The following ZNF560 variants were observed in gnomAD, a reference collection of about 807,000 sequenced individuals.
The protein encoded by ZNF560 is zinc finger protein 560.
ZNF560 carries 54 observed loss-of-function variants against 81.8 expected under a neutral mutation model. The ratio of observed to expected loss-of-function variants is 0.66; its 90% CI spans 0.53 to 0.83. The LOEUF (loss-of-function observed/expected upper bound fraction) is 0.83, where lower values mean the gene tolerates loss of function less well. ZNF560 is among the 40% of genes least tolerant of loss of function. The pLI, the probability that ZNF560 is intolerant of heterozygous loss-of-function variation, is 0.00. For missense variants in ZNF560, 940 were observed against 932.4 expected (o/e 1.01, Z -0.11); for synonymous variants, 321 against 317.9 (o/e 1.01, Z -0.10).
intron 2 of ZNF560, among the ~76,000 whole-genome samples, chr19:9,475,756 G>A (rs1424057237): frequency 1.3e-5 from 2 of 151,930 alleles, no homozygotes; most frequent in African/African-American, 4.8e-5. Flanking sequence ...ACAGGCACCT[G>A]CCACCACGCC....
chr19:9,456,239 T>C, the ZNF560 span, among the ~76,000 whole-genome samples: 1 of 152,140 alleles, frequency 6.6e-6, no homozygotes, highest in Non-Finnish European at 1.5e-5. Flanking sequence ...CTGCAGAAGG[T>C]ACCAACAGGA....
intron 6 of ZNF560, 116 bp from the exon 7 acceptor site, chr19:9,470,634 A>G: frequency 6.9e-7 from 1 of 1,441,750 alleles, no homozygotes; most frequent in Non-Finnish European, 9.6e-7. Context: ...CCCACTATCT[A>G]CACCCCAAGG....
chr19:9,489,491 C>T (rs145427697), intron 2 of ZNF560, among the ~76,000 whole-genome samples: 6 of 151,902 alleles, frequency 3.9e-5, no homozygotes, highest in South Asian at 2.1e-4. Flanking sequence ...GTGGGGCTGC[C>T]GGGCAGAGGT....
At chr19:9,448,026 C>G in the ZNF560 span, among the ~76,000 whole-genome samples, 1 of 152,114 alleles carries the variant, frequency 6.6e-6, no homozygotes, top group African/African-American at 2.4e-5. Context: ...TCAGGAGAAA[C>G]CCTACAAGCC....
the ZNF560 span, among the ~76,000 whole-genome samples, chr19:9,505,501 T>C: frequency 6.6e-6 from 1 of 152,214 alleles, no homozygotes; most frequent in Non-Finnish European, 1.5e-5. Flanking sequence ...TTTCTTGGAG[T>C]GTTTGATTCA....
upstream of ZNF560, among the ~76,000 whole-genome samples, chr19:9,500,842 TG>T (rs2073627291): frequency 7.2e-5 from 11 of 152,262 alleles, no homozygotes; most frequent in Admixed American, 7.2e-4. Context: ...CCCAAAGTGC[TG>T]GGATTACAGG....
chr19:9,487,652 T>G (rs983031710), intron 2 of ZNF560, among the ~76,000 whole-genome samples: 2 of 152,218 alleles, frequency 1.3e-5, no homozygotes, highest in Non-Finnish European at 2.9e-5. Context: ...CAACTGCCTT[T>G]ACTGGGGCTT....
At chr19:9,473,131 A>G in intron 5 of ZNF560, 48 bp downstream of exon 5, 5 of 1,448,278 alleles carry the variant, frequency 3.5e-6, no homozygotes, top group Non-Finnish European at 4.9e-6. Flanking sequence ...CAGCTTCTAA[A>G]CATACTGAAC....
In ZNF560 at chr19:9,467,464, T is replaced by C. The variant is rs767285868; in HGVS notation, c.1483A>G (p.Lys495Glu). 2.7e-5 allele frequency: 44 copies of C among 1,613,996 alleles called. No individual in the cohort carries two copies. Among genetic ancestry groups the C allele is most frequent in the South Asian group, 4.4e-5 (4 of 91,082 alleles). The change falls in exon 10 of 10, where the codon AAA becomes GAA. Residue 495 changes from lysine (K) to glutamate (E), a missense_variant. Transcript: ENST00000301480. The stretch of plus-strand genomic sequence containing the variant: ...AGAGATGAGAAAGAAACAAAGACTT[T>C]CCCACACTGGTCACAATCAAAGCGT... ...QKRFDCDQCG[K>E]VFVSFSSLFA... is the part of the protein sequence containing the mutation.
chr19:9,483,022 C>T (rs1358434892), intron 2 of ZNF560, among the ~76,000 whole-genome samples: 2 of 152,136 alleles, frequency 1.3e-5, no homozygotes, highest in African/African-American at 4.8e-5. Flanking sequence ...ACAACCTCCA[C>T]CTCCCAGCCG....
chr19:9,483,246 TGA>T (rs746197724), intron 2 of ZNF560, among the ~76,000 whole-genome samples: 1 of 148,296 alleles, frequency 6.7e-6, no homozygotes, highest in Non-Finnish European at 1.5e-5. Context: ...GCCCACCATC[TGA>T]GATGTGGGGA....
intron 2 of ZNF560, among the ~76,000 whole-genome samples, chr19:9,480,981 G>A (rs2073279365): frequency 6.6e-6 from 1 of 151,902 alleles, no homozygotes; most frequent in Non-Finnish European, 1.5e-5. Context: ...CTATTCAGGA[G>A]GCTGAGGTAG....
At chr19:9,460,374 C>T in the ZNF560 span, among the ~76,000 whole-genome samples, 1 of 152,208 alleles carries the variant, frequency 6.6e-6, no homozygotes, top group African/African-American at 2.4e-5. Flanking sequence ...ATCACCATTG[C>T]CATGAGTATT....
rs1486942700 is a variant in ZNF560, at chr19:9,467,035, C to G, written c.1912G>C (p.Val638Leu). The G allele has an allele frequency of 6.2e-7, 1 of 1,613,234 alleles. No individual in the cohort carries two copies. Among genetic ancestry groups the G allele is most frequent in the Non-Finnish European group, 8.5e-7 (1 of 1,179,790 alleles). Residue 638 changes from valine to leucine, a missense_variant, in exon 10 of 10, where the codon GTT becomes CTT. Physicochemically the swap from Val to Leu is conservative, Grantham distance 32 (BLOSUM62 1). Coordinates refer to ENST00000301480, the MANE Select transcript of ZNF560 (RefSeq NM_152476.3). ...TGATCAACTAGACTGGAGGAGACAA[C>G]AAAGGCTTTCCCACAGTCCTTATAT... ...YEYKDCGKAFVVSSSLVDHLR... is the reference protein window; with the variant it reads ...YEYKDCGKAFLVSSSLVDHLR...
chr19:9,453,096 A>G, the ZNF560 span, among the ~76,000 whole-genome samples: 6 of 152,162 alleles, frequency 3.9e-5, no homozygotes, highest in African/African-American at 1.4e-4. Context: ...GATCATGATG[A>G]TGGGGCTCTC....
In ZNF560 at chr19:9,467,869, G is replaced by A. The variant is rs61743338; in HGVS notation, c.1078C>T (p.Pro360Ser). 4 of 1,613,900 alleles carry A rather than the reference G, an allele frequency of 2.5e-6. No homozygotes were observed. In the African/African-American group the frequency reaches 5.3e-5, roughly 22 times the overall value. The part of the protein sequence containing the change: ...CKECGKDFRY[P>S]THLNNHMQTH... ...TGCATGTGATTATTAAGGTGGGTAG[G>A]GTATCTAAAATCTTTTCCACATTCC... The change falls in exon 10 of 10, where the codon CCT becomes TCT. Residue 360 changes from proline to serine, a missense_variant. Pro to Ser is a moderately conservative substitution (Grantham distance 74). Transcript: ENST00000301480.
At chr19:9,495,016 G>A (rs765985627) in intron 2 of ZNF560, among the ~76,000 whole-genome samples, 3 of 152,158 alleles carry the variant, frequency 2.0e-5, no homozygotes, top group Non-Finnish European at 2.9e-5. Context: ...TCCTATAACT[G>A]CAAGGAAATG....
chr19:9,498,685 C>T (rs988268781), upstream of ZNF560: 3 of 152,234 alleles, frequency 2.0e-5, no homozygotes, highest in Non-Finnish European at 4.4e-5. Context: ...GGCAGTTGGA[C>T]AGGATGGAAC....
Position 9,489,755 on chromosome 19 carries a change from A to G in ZNF560, c.-57+8373T>C, listed in dbSNP as rs533634744. Among the ~76,000 whole-genome samples, 5 of 152,162 alleles carry G rather than the reference A, an allele frequency of 3.3e-5. No individual in the cohort carries two copies. In the East Asian group the frequency reaches 9.7e-4, roughly 29 times the overall value. On this transcript the variant is annotated intron_variant, in intron 2 of 9. Transcript: ENST00000301480. ...CAGGCAGCTGCCACCACGCCCAGCT[A>G]ATTTTTTTGTATTTTCAGTAGAGAC...
Sources: allele counts gnomAD v4.1 joint callset (sites outside exome capture counted in the v4.1 genomes callset), GRCh38; gene constraint gnomAD v4.1.1; transcripts MANE v1.5; gene names NCBI Gene and HGNC (gene_info 2026-07-23, HGNC 2026-07-21).